SH3TC2: variants seen among roughly 807,000 people sequenced by gnomAD.
The protein encoded by SH3TC2 is SH3 domain and tetratricopeptide repeat-containing protein 2.
Under a neutral mutation model 124.5 loss-of-function variants are expected in SH3TC2, and 87 were observed. The ratio of observed to expected loss-of-function variants is 0.70; its 90% CI spans 0.59 to 0.84. The LOEUF (loss-of-function observed/expected upper bound fraction) is 0.84. SH3TC2 is among the 40% of genes least tolerant of loss of function. SH3TC2 has a pLI of 0.00. For missense variants in SH3TC2, 1,536 were observed against 1,566.4 expected, an observed-to-expected ratio of 0.98 and a Z score of 0.33; for synonymous variants, 634 against 628.5, an observed-to-expected ratio of 1.01 and a Z score of -0.13.
intron 15 of SH3TC2, 187 bp downstream of exon 15, chr5:149,008,664 T>A (rs1358430882): frequency 1.7e-5 from 12 of 724,530 alleles, no homozygotes; most frequent in Middle Eastern, 3.9e-4. Flanking sequence ...TAATCCTGAT[T>A]TGGTGATGAC....
chr5:149,048,743 G>T (rs932409129), intron 2 of SH3TC2, among the ~76,000 whole-genome samples: 5 of 152,178 alleles, frequency 3.3e-5, no homozygotes, highest in Non-Finnish European at 7.3e-5. Flanking sequence ...AATAGTTTCA[G>T]ATGGAGAAGA....
At position 148,991,668 on chromosome 5, in the gene SH3TC2, CA is replaced by C. The variant is rs1753421663; in HGVS notation, c.*13042del. ...AGGGGTGGCCAGTCAGCTGGGGTCA[CA>C]AAAGCCTTGTAATTAGAATCAGTGT... On this transcript the variant is annotated 3_prime_UTR_variant, in exon 17 of 17. Coordinates refer to ENST00000515425, the MANE Select transcript of SH3TC2 (RefSeq NM_024577.4). Among the ~76,000 whole-genome samples the C allele has an allele frequency of 6.6e-6, 1 of 152,174 alleles. No homozygotes were observed. The highest frequency in any genetic ancestry group is 2.1e-4 in the South Asian group (1 of 4,838).
rs1179282374 is a variant in SH3TC2 at position 149,001,486 on chromosome 5, T to C, written c.*3225A>G. On this transcript the variant is annotated 3_prime_UTR_variant, in exon 17 of 17. Coordinates refer to ENST00000515425, the MANE Select transcript of SH3TC2 (RefSeq NM_024577.4). Reference sequence around the variant, plus strand: ...GCTATGATACACTTATTTTTTTAAATGTTTAAGTAGAGACCAAATCCAATC... The same window carrying C: ...GCTATGATACACTTATTTTTTTAAACGTTTAAGTAGAGACCAAATCCAATC... 2 of 152,154 alleles carry C rather than the reference T, an allele frequency of 1.3e-5. No homozygotes were observed. Among genetic ancestry groups the C allele is most frequent in the Non-Finnish European group, 2.9e-5 (2 of 68,026 alleles). 9.4% of individuals were successfully genotyped at this position (152,154 alleles called of 1,614,324 possible).
At position 149,010,314 on chromosome 5, in the gene SH3TC2, A is replaced by G. The variant is rs1248817393; in HGVS notation, c.3283T>C (p.Phe1095Leu). 3 of 1,614,096 alleles carry G rather than the reference A, an allele frequency of 1.9e-6. No individual in the cohort carries two copies. Among genetic ancestry groups the G allele is most frequent in the Non-Finnish European group, 2.5e-6 (3 of 1,180,040 alleles). The change falls in exon 14 of 17, where the codon TTC becomes CTC. Residue 1095 changes from phenylalanine (F) to leucine (L), a missense_variant. This residue lies in a region of SH3TC2 where 426 missense variants were observed against 443.5 expected (regional missense o/e 0.96). Coordinates refer to ENST00000515425, the MANE Select transcript of SH3TC2 (RefSeq NM_024577.4). ...TGATGCCTGTGGCGGGTCCCATTGA[A>G]GAACACATCACCTGCTTCTTCATAA... is the stretch of plus-strand genomic sequence containing the variant. ...KLYEEAGDVF[F>L]NGTRHRHHAV... is the part of the protein sequence containing the mutation.
intron 5 of SH3TC2, among the ~76,000 whole-genome samples, chr5:149,041,969 A>G (rs1187820418): frequency 2.0e-5 from 3 of 152,254 alleles, no homozygotes; most frequent in African/African-American, 7.2e-5. Flanking sequence ...GATTAAAATT[A>G]GAACCAAAAA....
rs1259040390 is a variant in SH3TC2 at position 148,985,887 on chromosome 5, A to G, written c.*18824T>C. On this transcript the variant is annotated 3_prime_UTR_variant, in exon 17 of 17. Coordinates refer to ENST00000515425, the MANE Select transcript of SH3TC2 (RefSeq NM_024577.4). Reference sequence around the variant, plus strand: ...TTTTATATAGATTTGGCCCACTATCATATCTCCATTAGGGCTCAAAAGACT... The same window carrying G: ...TTTTATATAGATTTGGCCCACTATCGTATCTCCATTAGGGCTCAAAAGACT... 2.0e-5 allele frequency among the ~76,000 whole-genome samples: 3 copies of G among 152,194 alleles called. No homozygotes were observed. Among genetic ancestry groups the G allele is most frequent in the Non-Finnish European group, 4.4e-5 (3 of 68,026 alleles).
intron 16 of SH3TC2, among the ~76,000 whole-genome samples, chr5:149,006,588 T>C (rs1464373823): frequency 6.6e-6 from 1 of 152,154 alleles, no homozygotes; most frequent in African/African-American, 2.4e-5. Context: ...GCAATGTGCC[T>C]GTAGTATCTG....
At chr5:149,043,788 T>C (rs1009908445) in intron 4 of SH3TC2, 3 of 152,534 alleles carry the variant, frequency 2.0e-5, no homozygotes, top group Non-Finnish European at 4.4e-5. Flanking sequence ...GAGGAGAAGA[T>C]ACACCTTATG....
At chr5:149,051,584 T>A (rs1269968093) in intron 2 of SH3TC2, among the ~76,000 whole-genome samples, 1 of 152,186 alleles carries the variant, frequency 6.6e-6, no homozygotes, top group African/African-American at 2.4e-5. Flanking sequence ...CTCAAGTAGC[T>A]GGGACTGCAA....
At chr5:149,044,760 A>C (rs1754429722) in intron 3 of SH3TC2, 122 bp from the exon 4 acceptor site, 2 of 722,232 alleles carry the variant, frequency 2.8e-6, no homozygotes, top group Non-Finnish European at 4.9e-6. Flanking sequence ...ACGTCACCAA[A>C]AAATGGAAAC....
At chr5:149,051,445 A>G (rs1754555327) in intron 2 of SH3TC2, among the ~76,000 whole-genome samples, 1 of 152,092 alleles carries the variant, frequency 6.6e-6, no homozygotes. Flanking sequence ...TCAACCATTC[A>G]TGTATTCATT....
intron 9 of SH3TC2, 45 bp from the exon 10 acceptor site, chr5:149,028,763 C>T (rs1406285632): frequency 1.9e-6 from 3 of 1,604,670 alleles, no homozygotes; most frequent in African/African-American, 2.7e-5. Context: ...TCAGGATGGG[C>T]CACCATGCCC....
intron 4 of SH3TC2, chr5:149,044,302 T>C (rs1306495951): frequency 4.2e-6 from 2 of 474,524 alleles, no homozygotes; most frequent in Non-Finnish European, 7.7e-6. Context: ...TAAAAAAAGA[T>C]CTCCCTGGAC....
chr5:149,038,535 C>A, intron 7 of SH3TC2, 45 bp from the exon 8 acceptor site: 1 of 1,591,086 alleles, frequency 6.3e-7, no homozygotes, highest in Non-Finnish European at 8.6e-7. Context: ...ACATGAACAG[C>A]TGAGCCTCCC....
At chr5:149,031,373 T>C (rs1754189277) in intron 9 of SH3TC2, among the ~76,000 whole-genome samples, 181 bp downstream of exon 9, 1 of 152,166 alleles carries the variant, frequency 6.6e-6, no homozygotes, top group African/African-American at 2.4e-5. Flanking sequence ...CAGAATTACC[T>C]GAAATCTAAA....
intron 13 of SH3TC2, among the ~76,000 whole-genome samples, chr5:149,010,688 A>T (rs1207690449): frequency 6.6e-6 from 1 of 152,194 alleles, no homozygotes; most frequent in African/African-American, 2.4e-5. Context: ...TGTTTTAGAA[A>T]AAAAAAACTA....
intron 12 of SH3TC2, among the ~76,000 whole-genome samples, chr5:149,016,783 GGC>G: frequency 6.6e-6 from 1 of 152,104 alleles, no homozygotes; most frequent in Admixed American, 6.5e-5. Flanking sequence ...AAATTAGCCG[GGC>G]GTGGTGGCGG....
At chr5:149,040,724 G>T in intron 6 of SH3TC2, 47 bp from the exon 7 acceptor site, 1 of 1,486,414 alleles carries the variant, frequency 6.7e-7, no homozygotes, top group Non-Finnish European at 9.4e-7. Flanking sequence ...TCAAAAAATT[G>T]CAACAATGAA....
At position 149,041,429 on chromosome 5, in the gene SH3TC2, G is replaced by A. The variant is rs995894534; in HGVS notation, c.718C>T (p.Leu240Phe). ...VLVSALEPLP[L>F]PFHQWFLKNY... ...ATGGCTACTCACTGGTGGAAAGGGA[G>A]AGGCAGAGGCTCCAAGGCTGACACC... The change falls in exon 6 of 17, where the codon CTC becomes TTC. Residue 240 changes from leucine to phenylalanine, a missense_variant. This residue lies in a region of SH3TC2 where 1,102 missense variants were observed against 1,098.6 expected (regional missense o/e 1.00). Coordinates refer to ENST00000515425, the MANE Select transcript of SH3TC2 (RefSeq NM_024577.4). 6.2e-7 allele frequency: 1 copy of A among 1,612,718 alleles called. No homozygotes were observed. Among genetic ancestry groups the A allele is most frequent in the African/African-American group, 1.3e-5 (1 of 74,882 alleles).
Sources: gnomAD v4.1 joint callset for allele counts (sites outside exome capture counted in the v4.1 genomes callset) on GRCh38, gnomAD v4.1.1 for gene constraint, gnomAD v4.1.1 regional missense constraint, MANE v1.5 for transcripts, NCBI Gene and HGNC (gene_info 2026-07-23, HGNC 2026-07-21) for gene names.